Variants in SARDH observed in about 807,000 individuals in gnomAD.
The protein encoded by SARDH is sarcosine dehydrogenase.
SARDH carries 95 observed loss-of-function variants against 109.1 expected under a neutral mutation model. The observed-to-expected ratio is 0.87, with a 90% CI of 0.74 to 1.03. The LOEUF is 1.03. Ranked by LOEUF, SARDH falls within the 50% of genes least tolerant of loss-of-function variation. The pLI is 0.00. For missense variants in SARDH, 1,267 were observed against 1,287.8 expected, an observed-to-expected ratio of 0.98 and a Z score of 0.25; for synonymous variants, 572 against 534.8, an observed-to-expected ratio of 1.07 and a Z score of -0.96.
intron 11 of SARDH, among the ~76,000 whole-genome samples, chr9:133,705,339 G>T (rs1221188494): frequency 3.4e-5 from 1 of 29,364 alleles, no homozygotes; most frequent in Non-Finnish European, 8.3e-5. Context: ...TGCCCCATCT[G>T]CCCTCACCCT....
chr9:133,705,182 C>G (rs1318607259), intron 11 of SARDH, 151 bp from the exon 12 acceptor site: 2 of 717,566 alleles, frequency 2.8e-6, no homozygotes, highest in Non-Finnish European at 2.4e-6. Flanking sequence ...GTGTTTGCAG[C>G]TACCCTCACT....
intron 8 of SARDH, among the ~76,000 whole-genome samples, chr9:133,717,026 T>A (rs1444568371): frequency 6.6e-6 from 1 of 152,048 alleles, no homozygotes; most frequent in Non-Finnish European, 1.5e-5. Flanking sequence ...ACAAGTCAAG[T>A]CTAGGGATGA....
rs761262172 is a variant in SARDH at position 133,733,941 on chromosome 9, C to T, written c.233G>A (p.Gly78Asp). ...GGCCAGGTGGTACAGGGTCTGGCAG[C>T]CCAAGCTGCCTCCACCAATGACCAC... ...NVVVIGGGSL[G>D]CQTLYHLAKL... Residue 78 changes from glycine (G) to aspartate (D), a missense_variant, in exon 2 of 21, where the codon GGC (glycine) becomes GAC (aspartate). Gly to Asp is a moderately conservative substitution (Grantham distance 94). Transcript: ENST00000439388. The T allele has an allele frequency of 6.2e-7, 1 of 1,600,600 alleles. No homozygotes were observed. The highest frequency in any genetic ancestry group is 8.5e-7 in the Non-Finnish European group (1 of 1,173,236).
At chr9:133,730,995 A>G (rs1376366481) in intron 4 of SARDH, among the ~76,000 whole-genome samples, 3 of 152,236 alleles carry the variant, frequency 2.0e-5, no homozygotes, top group Non-Finnish European at 4.4e-5. Context: ...AAACAAAAAA[A>G]TTGTTCTACA....
intron 16 of SARDH, among the ~76,000 whole-genome samples, chr9:133,688,479 G>T (rs75730933): frequency 1.9e-4 from 29 of 151,964 alleles, no homozygotes; most frequent in African/African-American, 7.0e-4. Context: ...TCCCTGCCTC[G>T]CCTGGCCTGA....
intron 17 of SARDH, among the ~76,000 whole-genome samples, chr9:133,675,459 C>T (rs1039651870): frequency 4.6e-5 from 7 of 152,136 alleles, no homozygotes; most frequent in South Asian, 2.1e-4. Context: ...ATCAGAGGCA[C>T]GCAAACCCAA....
Position 133,718,818 on chromosome 9 carries a change from G to A in SARDH, c.1020+120C>T, listed in dbSNP as rs542747856. Reference sequence around the variant, plus strand: ...TGAGCTTGGTGGGGTCAGGGGACCGGCCACTTCTCAGGTGTGCCTCTGAGG... The same window carrying A: ...TGAGCTTGGTGGGGTCAGGGGACCGACCACTTCTCAGGTGTGCCTCTGAGG... On this transcript the variant is annotated intron_variant, in intron 7 of 20. Coordinates refer to ENST00000439388, the MANE Select transcript of SARDH (RefSeq NM_001134707.2). The surrounding 1 kb of genome is among the most constrained non-coding windows in gnomAD (Gnocchi z 4.2). The A allele has an allele frequency of 1.6e-5, 14 of 864,486 alleles. No individual in the cohort carries two copies. In the East Asian group the frequency reaches 3.4e-4, roughly 21 times the overall value. The allele number at this position is 864,486 out of a possible 1,614,324, so 53.6% of individuals were successfully genotyped here. A position where few individuals can be genotyped will look rare whatever the true frequency, so the allele number is the denominator to read the frequency against.
At chr9:133,724,487 G>C (rs188696772) in intron 6 of SARDH, among the ~76,000 whole-genome samples, 2 of 152,078 alleles carry the variant, frequency 1.3e-5, no homozygotes, top group African/African-American at 4.8e-5. Flanking sequence ...TAGGATGACC[G>C]GCATAAAAAA....
chr9:133,694,408 GC>G, intron 14 of SARDH, 37 bp from the exon 15 acceptor site: 1 of 1,504,946 alleles, frequency 6.6e-7, no homozygotes, highest in Non-Finnish European at 9.0e-7. Flanking sequence ...CTGTGCTGAG[GC>G]CCCAGCCGGG....
intron 15 of SARDH, among the ~76,000 whole-genome samples, chr9:133,694,041 C>T (rs527789791): frequency 6.6e-6 from 1 of 152,364 alleles, no homozygotes; most frequent in South Asian, 2.1e-4. Context: ...GAGATGCAAT[C>T]ACTGAGTACT....
intron 18 of SARDH, 76 bp from the exon 19 acceptor site, chr9:133,670,828 C>A: frequency 1.1e-5 from 16 of 1,451,978 alleles, no homozygotes; most frequent in Non-Finnish European, 1.4e-5. Context: ...GAGGATGCTG[C>A]CTAAACCCAC....
In SARDH at chr9:133,701,234, C is replaced by T. The variant is rs185288592; in HGVS notation, c.1668+1682G>A. 3.9e-4 allele frequency among the ~76,000 whole-genome samples: 59 copies of T among 152,336 alleles called. No homozygotes were observed. The East Asian group carries it at 9.1e-3, about 23-fold the overall frequency. On this transcript the variant is annotated intron_variant, in intron 13 of 20. Coordinates refer to ENST00000439388, the MANE Select transcript of SARDH (RefSeq NM_001134707.2). Reference sequence around the variant, plus strand: ...AAGCATTTACATCAGGGAAATTGGCCGGTGCTACAGAGCCAGCTTCCTCCC... The same window carrying T: ...AAGCATTTACATCAGGGAAATTGGCTGGTGCTACAGAGCCAGCTTCCTCCC...
chr9:133,699,523 A>AATG (rs1325932021), intron 13 of SARDH, among the ~76,000 whole-genome samples: 1 of 152,094 alleles, frequency 6.6e-6, no homozygotes, highest in Admixed American at 6.6e-5. Context: ...TAATAATAAT[A>AATG]ATAATAAGAC....
At chr9:133,695,554 A>G (rs1225988781) in intron 14 of SARDH, among the ~76,000 whole-genome samples, 1 of 152,206 alleles carries the variant, frequency 6.6e-6, no homozygotes, top group African/African-American at 2.4e-5. Flanking sequence ...GGCCACCACC[A>G]GCAGCTGGAA....
At chr9:133,711,705 C>T (rs199960277) in intron 10 of SARDH, among the ~76,000 whole-genome samples, 13 of 152,338 alleles carry the variant, frequency 8.5e-5, no homozygotes, top group South Asian at 6.2e-4. Context: ...CTTCTCCCTC[C>T]GGAGCCCACC....
chr9:133,705,608 C>T (rs1261391089), intron 11 of SARDH, among the ~76,000 whole-genome samples: 2 of 150,758 alleles, frequency 1.3e-5, no homozygotes, highest in Non-Finnish European at 3.0e-5. Context: ...ATCCTGAGAA[C>T]CCCCAGCTAC....
intron 17 of SARDH, among the ~76,000 whole-genome samples, chr9:133,677,925 G>A (rs1489772435): frequency 6.6e-6 from 1 of 152,234 alleles, no homozygotes; most frequent in Non-Finnish European, 1.5e-5. Context: ...GCGGGGCTGA[G>A]GCCCGCTGAG....
intron 19 of SARDH, 144 bp downstream of exon 19, chr9:133,670,440 G>T: frequency 3.5e-6 from 3 of 851,292 alleles, no homozygotes; most frequent in Non-Finnish European, 5.4e-6. Context: ...TCTGCAGTGG[G>T]CTGTTGGGTG....
chr9:133,684,207 G>C (rs554754258), intron 17 of SARDH, among the ~76,000 whole-genome samples: 2 of 152,222 alleles, frequency 1.3e-5, no homozygotes, highest in Admixed American at 1.3e-4. Context: ...TGGCTGTCAC[G>C]ACGGTGGGTG....
Sources: gnomAD v4.1 joint callset for allele counts (sites outside exome capture counted in the v4.1 genomes callset) on GRCh38, gnomAD v4.1.1 for gene constraint, Gnocchi (gnomAD v3.1) non-coding constraint, MANE v1.5 for transcripts, NCBI Gene and HGNC (gene_info 2026-07-23, HGNC 2026-07-21) for gene names.